The following NCOA3 variants were observed in gnomAD, a reference collection of about 807,000 sequenced individuals.
NCOA3 encodes nuclear receptor coactivator 3, also known as CBP-interacting protein.
Under a neutral mutation model 158.8 loss-of-function variants are expected in NCOA3, and 51 were observed. That is an observed-to-expected ratio of 0.32 (90% CI 0.26 to 0.41). The LOEUF (loss-of-function observed/expected upper bound fraction) is 0.41, where lower values mean the gene tolerates loss of function less well. Among genes scored for constraint, NCOA3 ranks in the 10% least tolerant of loss-of-function variants. The pLI is 1.00. For missense variants in NCOA3, 1,510 were observed against 1,746.6 expected (o/e 0.86, Z 2.41); for synonymous variants, 537 against 592.4 (o/e 0.91, Z 1.36).
In NCOA3 at chr20:47,635,916, T is replaced by C. The variant is rs2086506003; in HGVS notation, c.1530T>C (p.Ser510=). ...VAGVHSPMAS[S]GNTGNHSFSS... is the part of the protein sequence containing the mutation. ...GTGTGCACTCTCCCATGGCATCTTC[T>C]GGCAATACTGGGAACCACAGCTTTT... is the stretch of plus-strand genomic sequence containing the variant. Residue 510 remains serine, a synonymous_variant, in exon 12 of 23, where the codon TCT becomes TCC. Coordinates refer to ENST00000371998, the MANE Select transcript of NCOA3 (RefSeq NM_181659.3). 1.2e-6 allele frequency: 2 copies of C among 1,613,716 alleles called. No homozygotes were observed. The highest frequency in any genetic ancestry group is 1.6e-4 in the Middle Eastern group (1 of 6,062).
At chr20:47,598,366 C>G (rs1218566321) in intron 2 of NCOA3, among the ~76,000 whole-genome samples, 1 of 151,338 alleles carries the variant, frequency 6.6e-6, no homozygotes, top group Non-Finnish European at 1.5e-5. Flanking sequence ...GATGGAGTTT[C>G]GCTCTGTCGC....
At position 47,550,519 on chromosome 20, in the gene NCOA3, C is replaced by T. The variant is rs1410524895; in HGVS notation, c.-98-32664C>T. Among the ~76,000 whole-genome samples the T allele has an allele frequency of 3.4e-5, 5 of 148,992 alleles. No homozygotes were observed. The East Asian group carries it at 5.9e-4, about 18-fold the overall frequency. ...TAGAAATACTGGTGTCAGAGTTTAA[C>T]AAGTGAATGACTCTCAATGACTGAT... On this transcript the variant is annotated intron_variant, in intron 1 of 22. Coordinates refer to ENST00000371998, the MANE Select transcript of NCOA3 (RefSeq NM_181659.3).
At chr20:47,574,120 T>C (rs573511508) in intron 1 of NCOA3, among the ~76,000 whole-genome samples, 32 of 152,204 alleles carry the variant, frequency 2.1e-4, no homozygotes, top group Admixed American at 8.5e-4. Flanking sequence ...GAAAACACTT[T>C]TGAACATATA....
At chr20:47,612,670 G>T (rs1183777347) in intron 2 of NCOA3, among the ~76,000 whole-genome samples, 1 of 152,192 alleles carries the variant, frequency 6.6e-6, no homozygotes, top group African/African-American at 2.4e-5. Context: ...CCAAATTCAG[G>T]TTTATGAAGC....
intron 1 of NCOA3, among the ~76,000 whole-genome samples, chr20:47,571,622 T>C (rs1249674567): frequency 6.6e-6 from 1 of 152,168 alleles, no homozygotes; most frequent in Non-Finnish European, 1.5e-5. Flanking sequence ...ACAGTGGACC[T>C]AAAATATTCA....
At chr20:47,621,678 G>T (rs2086243490) in intron 2 of NCOA3, among the ~76,000 whole-genome samples, 1 of 47,060 alleles carries the variant, frequency 2.1e-5, no homozygotes. Flanking sequence ...TTTTGAGACG[G>T]AGTCTAGCTC....
At chr20:47,546,805 A>C (rs2084837362) in intron 1 of NCOA3, among the ~76,000 whole-genome samples, 1 of 152,112 alleles carries the variant, frequency 6.6e-6, no homozygotes, top group Non-Finnish European at 1.5e-5. Context: ...TGCTGAGGTT[A>C]CAGGCATGAG....
intron 17 of NCOA3, among the ~76,000 whole-genome samples, chr20:47,643,840 G>A (rs1406723231): frequency 6.6e-6 from 1 of 150,606 alleles, no homozygotes; most frequent in Non-Finnish European, 1.5e-5. Flanking sequence ...TTCTGCCATA[G>A]TTTTCTGGCA....
At chr20:47,511,562 T>C (rs1213288309) in intron 1 of NCOA3, among the ~76,000 whole-genome samples, 1 of 85,582 alleles carries the variant, frequency 1.2e-5, no homozygotes, top group African/African-American at 3.7e-5. Flanking sequence ...TATATTTCTT[T>C]TTTTTTTTGA....
In NCOA3 at chr20:47,652,946, G is replaced by A. The variant is rs1262203894; in HGVS notation, c.4137G>A (p.Gln1379=). Residue 1379 remains glutamine, a synonymous_variant, in exon 22 of 23, where the codon CAG becomes CAA. Coordinates refer to ENST00000371998, the MANE Select transcript of NCOA3 (RefSeq NM_181659.3). ...TTACTTACAGCTCCTTTTCCCAGCA[G>A]CAGTTTGCCCACCAGGGGAATCCTG... ...NLARNSSFSQ[Q]QFAHQGNPAV... 6.2e-7 allele frequency: 1 copy of A among 1,614,182 alleles called. No homozygotes were observed. The highest frequency in any genetic ancestry group is 2.2e-5 in the East Asian group (1 of 44,884).
chr20:47,631,606 A>C (rs1278353616), intron 8 of NCOA3, among the ~76,000 whole-genome samples: 1 of 152,216 alleles, frequency 6.6e-6, no homozygotes, highest in African/African-American at 2.4e-5. Context: ...TGTAGAAATG[A>C]GTATTTGGTT....
chr20:47,651,098 G>A lies in NCOA3; in HGVS notation c.3768G>A (p.Gln1256=), dbSNP rs976999031. ...MMQQQQQQQQ[Q]QQQQQQQQQQ... ...AGCAGCAGCAGCAGCAGCAACAGCA[G>A]CAGCAGCAGCAGCAGCAGCAGCAAC... Residue 1256 remains glutamine (Q), a synonymous_variant, in exon 20 of 23, where the codon CAG becomes CAA. Coordinates refer to ENST00000371998, the MANE Select transcript of NCOA3 (RefSeq NM_181659.3). 6 of 1,338,906 alleles carry A rather than the reference G, an allele frequency of 4.5e-6. No homozygotes were observed. Among genetic ancestry groups the A allele is most frequent in the African/African-American group, 4.3e-5 (3 of 69,440 alleles). 82.9% of individuals were successfully genotyped at this position (1,338,906 alleles called of 1,614,324 possible).
chr20:47,515,616 C>G (rs2084222504), intron 1 of NCOA3, among the ~76,000 whole-genome samples: 1 of 151,660 alleles, frequency 6.6e-6, no homozygotes, highest in African/African-American at 2.4e-5. Flanking sequence ...TACTGAGTAG[C>G]TGGGACTAGA....
At chr20:47,553,790 G>C (rs1441191064) in intron 1 of NCOA3, among the ~76,000 whole-genome samples, 1 of 152,008 alleles carries the variant, frequency 6.6e-6, no homozygotes. Context: ...TCTTAATCCA[G>C]TCTGTCACTG....
At chr20:47,641,769 A>C (rs1306272893) in intron 16 of NCOA3, among the ~76,000 whole-genome samples, 2 of 152,056 alleles carry the variant, frequency 1.3e-5, no homozygotes, top group Non-Finnish European at 2.9e-5. Context: ...TGCTGGGATT[A>C]CAGGCTTGAG....
chr20:47,555,773 G>C (rs1462240354), intron 1 of NCOA3, among the ~76,000 whole-genome samples: 1 of 150,830 alleles, frequency 6.6e-6, no homozygotes, highest in African/African-American at 2.4e-5. Context: ...CGAGTAGCTG[G>C]GACTATAGGC....
Position 47,640,004 on chromosome 20 carries a change from C to G in NCOA3, c.3033C>G (p.Pro1011=), listed in dbSNP as rs138234761. 17 of 1,614,136 alleles carry G rather than the reference C, an allele frequency of 1.1e-5. No homozygotes were observed. In the African/African-American group the frequency reaches 2.3e-4, roughly 22 times the overall value. The change falls in exon 16 of 23, where the codon CCC becomes CCG. Residue 1011 remains proline (P), a synonymous_variant. Coordinates refer to ENST00000371998, the MANE Select transcript of NCOA3 (RefSeq NM_181659.3). The part of the protein sequence containing the change: ...AAASNQLGSW[P]DGMLSMEQVS... ...CATCTAACCAACTGGGTTCCTGGCCCGATGGCATGTTGTCCATGGAACAAG... is the reference window on the plus strand; with the variant it reads ...CATCTAACCAACTGGGTTCCTGGCCGGATGGCATGTTGTCCATGGAACAAG...
At chr20:47,642,022 G>A (rs1049152610) in intron 16 of NCOA3, among the ~76,000 whole-genome samples, 191 bp from the exon 17 acceptor site, 4 of 151,976 alleles carry the variant, frequency 2.6e-5, no homozygotes, top group African/African-American at 9.7e-5. Context: ...AAAGTGGCCT[G>A]GTGAAATTTC....
intron 1 of NCOA3, among the ~76,000 whole-genome samples, chr20:47,528,195 A>T (rs2084488026): frequency 6.6e-6 from 1 of 152,188 alleles, no homozygotes; most frequent in African/African-American, 2.4e-5. Flanking sequence ...GCTAACATAT[A>T]CTATAAGCTG....
Sources: allele counts gnomAD v4.1 joint callset (sites outside exome capture counted in the v4.1 genomes callset), GRCh38; gene constraint gnomAD v4.1.1; transcripts MANE v1.5; gene names NCBI Gene and HGNC (gene_info 2026-07-23, HGNC 2026-07-21).